Variants in SMURF2 observed in about 807,000 individuals in gnomAD.
SMURF2 encodes the protein SMAD specific E3 ubiquitin protein ligase 2, also known as E3 ubiquitin-protein ligase SMURF2.
In SMURF2, 48 loss-of-function variants were observed where a neutral mutation model predicts 109.6. That is an observed-to-expected ratio of 0.44 (90% confidence interval 0.35 to 0.56). The LOEUF is 0.56. Among genes scored for constraint, SMURF2 ranks in the 20% least tolerant of loss-of-function variants. SMURF2 has a pLI of 0.01. For missense variants in SMURF2, 575 were observed against 909.0 expected, an observed-to-expected ratio of 0.63 and a Z score of 4.72; for synonymous variants, 288 against 317.1, an observed-to-expected ratio of 0.91 and a Z score of 0.97.
chr17:64,574,286 T>C (rs1200404800), intron 9 of SMURF2, among the ~76,000 whole-genome samples: 1 of 152,220 alleles, frequency 6.6e-6, no homozygotes, highest in Admixed American at 6.5e-5. Context: ...ATAATCTTTA[T>C]GTCTCACTGG....
At chr17:64,593,707 T>C in intron 3 of SMURF2, 134 bp from the exon 4 acceptor site, 1 of 669,376 alleles carries the variant, frequency 1.5e-6, no homozygotes, top group South Asian at 3.7e-5. Context: ...AAATATGTCT[T>C]GAGTTAATCC....
chr17:64,586,383 G>A (rs142526020), intron 5 of SMURF2, among the ~76,000 whole-genome samples: 33 of 152,074 alleles, frequency 2.2e-4, no homozygotes, highest in African/African-American at 7.7e-4. Context: ...ACTTTATTAC[G>A]TTCATGGAAG....
intron 1 of SMURF2, among the ~76,000 whole-genome samples, chr17:64,648,333 T>A (rs180700893): frequency 6.6e-6 from 1 of 152,244 alleles, no homozygotes; most frequent in East Asian, 1.9e-4. Flanking sequence ...TATTAACAAA[T>A]GAACACTTCA....
At chr17:64,572,519 T>G (rs1555685664) in intron 9 of SMURF2, among the ~76,000 whole-genome samples, 1 of 152,248 alleles carries the variant, frequency 6.6e-6, no homozygotes, top group African/African-American at 2.4e-5. Flanking sequence ...AGAACCTGTT[T>G]AAGATACATT....
intron 3 of SMURF2, among the ~76,000 whole-genome samples, 190 bp downstream of exon 3, chr17:64,598,192 T>C (rs1335679903): frequency 6.6e-6 from 1 of 152,234 alleles, no homozygotes; most frequent in Non-Finnish European, 1.5e-5. Context: ...CATAGAATTT[T>C]AGAGATACCT....
At chr17:64,613,077 C>T (rs1027245383) in intron 1 of SMURF2, among the ~76,000 whole-genome samples, 2 of 152,168 alleles carry the variant, frequency 1.3e-5, no homozygotes, top group African/African-American at 4.8e-5. Flanking sequence ...CAAAACATGA[C>T]CTGAGAACTG....
intron 4 of SMURF2, 157 bp downstream of exon 4, chr17:64,593,283 G>A: frequency 4.3e-6 from 2 of 466,396 alleles, no homozygotes; most frequent in Non-Finnish European, 3.1e-6. Context: ...AAGAAGTTGT[G>A]TTTGAAGCCC....
intron 2 of SMURF2, among the ~76,000 whole-genome samples, chr17:64,603,065 T>C (rs535783192): frequency 2.4e-4 from 37 of 151,066 alleles, no homozygotes; most frequent in South Asian, 4.2e-4. Context: ...CATTTTCAAC[T>C]CAAAAGTGTG....
At position 64,662,039 on chromosome 17, in the gene SMURF2, C is replaced by A. The variant is rs1184369548; in HGVS notation, c.-159G>T. On this transcript the variant is annotated 5_prime_UTR_variant, in exon 1 of 19. Coordinates refer to ENST00000262435, the MANE Select transcript of SMURF2 (RefSeq NM_022739.4). ...ATGTGCCGAGAGTCGTCGCCATGAG[C>A]CGCGGAGGGAGCGGGACGCCGAGCT... 9.0e-7 allele frequency: 1 copy of A among 1,115,704 alleles called. No individual in the cohort carries two copies. Among genetic ancestry groups the A allele is most frequent in the Non-Finnish European group, 1.1e-6 (1 of 913,754 alleles). The allele number at this position is 1,115,704 out of a possible 1,614,324, so 69.1% of individuals were successfully genotyped here.
intron 12 of SMURF2, among the ~76,000 whole-genome samples, chr17:64,560,028 A>G (rs1311219046): frequency 2.0e-5 from 3 of 151,396 alleles, no homozygotes; most frequent in Non-Finnish European, 4.4e-5. Flanking sequence ...CTGGGATTAC[A>G]GGTGTGAGCC....
intron 10 of SMURF2, among the ~76,000 whole-genome samples, chr17:64,564,726 G>A (rs782234808): frequency 6.6e-6 from 1 of 152,198 alleles, no homozygotes; most frequent in African/African-American, 2.4e-5. Flanking sequence ...TAGGAAAGAG[G>A]CATGGAACAG....
intron 15 of SMURF2, 35 bp downstream of exon 15, chr17:64,554,821 A>T (rs568443502): frequency 2.3e-5 from 36 of 1,596,730 alleles, no homozygotes; most frequent in East Asian, 1.1e-4. Flanking sequence ...AGAACATTTT[A>T]AAAAATTCAG....
Position 64,542,629 on chromosome 17 carries a change from A to C in SMURF2, c.*3219T>G, listed in dbSNP as rs1407073136. 1.3e-5 allele frequency: 2 copies of C among 152,144 alleles called. No homozygotes were observed. Among genetic ancestry groups the C allele is most frequent in the Non-Finnish European group, 2.9e-5 (2 of 68,020 alleles). The allele number at this position is 152,144 out of a possible 1,614,324, so 9.4% of individuals were successfully genotyped here. A position where few individuals can be genotyped will look rare whatever the true frequency, so the allele number is the denominator to read the frequency against. On this transcript the variant is annotated 3_prime_UTR_variant, in exon 19 of 19. Transcript: ENST00000262435. Reference sequence around the variant, plus strand: ...GGCACCCGTTGACTGTACGCTTAGAAAACAAGCAGAAGGAGCCACTCTCCC... The same window carrying C: ...GGCACCCGTTGACTGTACGCTTAGACAACAAGCAGAAGGAGCCACTCTCCC...
At chr17:64,613,719 TGTGTGTGTGTGTGTGTGTGTGTGTGG>T (rs1970079738) in intron 1 of SMURF2, among the ~76,000 whole-genome samples, 3 of 137,358 alleles carry the variant, frequency 2.2e-5, no homozygotes, top group African/African-American at 8.2e-5. Context: ...TGTGTGTGTG[TGTGTGTGTGTGTGTGTGTGTGTGTGG>T]AGGGGGGGCA....
intron 9 of SMURF2, among the ~76,000 whole-genome samples, chr17:64,576,801 A>G (rs1969497939): frequency 6.6e-6 from 1 of 151,798 alleles, no homozygotes; most frequent in Admixed American, 6.6e-5. Context: ...CATAATTAAG[A>G]ATATCAACCT....
At chr17:64,571,429 G>C (rs1969397555) in intron 10 of SMURF2, among the ~76,000 whole-genome samples, 1 of 150,976 alleles carries the variant, frequency 6.6e-6, no homozygotes, top group Non-Finnish European at 1.5e-5. Flanking sequence ...TTAAGAGACA[G>C]GGTCTCCATC....
At position 64,661,847 on chromosome 17, in the gene SMURF2, CG is replaced by C; in HGVS notation, c.33del (p.Val12SerfsTer5). On this transcript the variant is annotated frameshift_variant, in exon 1 of 19. Transcript: ENST00000262435. LOFTEE classifies it high-confidence loss of function. ...CCCTCACCTGTCAGGCGCAGCTTGACGGGCCCGTTCCTCCGGCCTCCGGGGT... is the reference window on the plus strand; with the variant it reads ...CCCTCACCTGTCAGGCGCAGCTTGACGGCCCGTTCCTCCGGCCTCCGGGGT... MSNPGGRRNG[P>X]VKLRLTVLCA... The C allele has an allele frequency of 8.2e-7, 1 of 1,220,098 alleles. No individual in the cohort carries two copies. The allele number at this position is 1,220,098 out of a possible 1,614,324, so 75.6% of individuals were successfully genotyped here.
At chr17:64,576,873 CTTTTTTT>C (rs782057854) in intron 9 of SMURF2, among the ~76,000 whole-genome samples, 690 of 81,422 alleles carry the variant, frequency 8.5e-3, no homozygotes, top group Non-Finnish European at 0.013. Flanking sequence ...TTTTTCTATC[CTTTTTTT>C]TTTTTTTTTT....
intron 5 of SMURF2, among the ~76,000 whole-genome samples, chr17:64,590,205 G>T (rs1164710766): frequency 1.3e-5 from 2 of 149,240 alleles, no homozygotes; most frequent in African/African-American, 2.5e-5. Context: ...GCAATGGTGT[G>T]ATCATGGCTC....
Sources: gnomAD v4.1 joint callset for allele counts (sites outside exome capture counted in the v4.1 genomes callset) on GRCh38, gnomAD v4.1.1 for gene constraint, MANE v1.5 for transcripts, NCBI Gene and HGNC (gene_info 2026-07-23, HGNC 2026-07-21) for gene names.